The following MGAT4C variants were observed in gnomAD, a reference collection of about 807,000 sequenced individuals.
The protein encoded by MGAT4C is alpha-1,3-mannosyl-glycoprotein 4-beta-N-acetylglucosaminyltransferase C.
In MGAT4C, 19 loss-of-function variants were observed where a neutral mutation model predicts 40.1. The ratio of observed to expected loss-of-function variants is 0.47; its 90% CI spans 0.33 to 0.70. The LOEUF (loss-of-function observed/expected upper bound fraction) is 0.70, where lower values mean the gene tolerates loss of function less well. Ranked by LOEUF, MGAT4C falls within the 30% of genes least tolerant of loss-of-function variation. The pLI, the probability that MGAT4C is intolerant of heterozygous loss-of-function variation, is 0.02. For missense variants in MGAT4C, 491 were observed against 563.2 expected, an observed-to-expected ratio of 0.87 and a Z score of 1.30; for synonymous variants, 181 against 187.1, an observed-to-expected ratio of 0.97 and a Z score of 0.27.
chr12:86,143,317 C>T (rs536034413), intron 1 of MGAT4C, among the ~76,000 whole-genome samples: 1 of 152,180 alleles, frequency 6.6e-6, no homozygotes, highest in South Asian at 2.1e-4. Flanking sequence ...AAGCACACAC[C>T]TGCTTTCACA....
At chr12:86,209,150 ATT>A (rs1280234173) in intron 1 of MGAT4C, among the ~76,000 whole-genome samples, 2 of 152,094 alleles carry the variant, frequency 1.3e-5, no homozygotes, top group Non-Finnish European at 2.9e-5. Context: ...TTTGCATATA[ATT>A]TTTAGAAGAA....
chr12:86,404,076 G>A (rs774995228), intron 3 of MGAT4C, among the ~76,000 whole-genome samples: 1 of 152,094 alleles, frequency 6.6e-6, no homozygotes, highest in South Asian at 2.1e-4. Context: ...ATAGCTACTC[G>A]AGAGGCTGAC....
At chr12:86,237,535 C>T (rs934795857) in intron 1 of MGAT4C, among the ~76,000 whole-genome samples, 3 of 151,742 alleles carry the variant, frequency 2.0e-5, no homozygotes, top group Admixed American at 6.6e-5. Context: ...CTATTAAAAT[C>T]TTTTATTTAA....
intron 2 of MGAT4C, among the ~76,000 whole-genome samples, chr12:86,567,934 G>T (rs1565854749): frequency 6.6e-6 from 1 of 152,178 alleles, no homozygotes; most frequent in African/African-American, 2.4e-5. Context: ...TTAGGTTAAA[G>T]ATTAGTGTGC....
chr12:86,035,614 C>T (rs7296258), intron 2 of MGAT4C, among the ~76,000 whole-genome samples: 25,016 of 149,494 alleles, frequency 0.17, 4,270 homozygotes, highest in African/African-American at 0.39. Context: ...GCTTTTGTGG[C>T]CATTTCTTTT....
At chr12:86,054,159 C>G (rs1282642733) in intron 1 of MGAT4C, among the ~76,000 whole-genome samples, 3 of 152,024 alleles carry the variant, frequency 2.0e-5, no homozygotes, top group African/African-American at 7.2e-5. Flanking sequence ...TATTGCAGCA[C>G]TCTTCATAAT....
intron 2 of MGAT4C, among the ~76,000 whole-genome samples, chr12:86,548,985 G>T (rs1959228110): frequency 6.6e-6 from 1 of 152,138 alleles, no homozygotes; most frequent in South Asian, 2.1e-4. Flanking sequence ...TCTTTCATCT[G>T]TGAAGGCAAT....
At chr12:86,834,612 C>CCACACACACACACACACACACACA (rs148269576) in intron 1 of MGAT4C, among the ~76,000 whole-genome samples, 25 of 148,288 alleles carry the variant, frequency 1.7e-4, no homozygotes, top group South Asian at 4.3e-4. Flanking sequence ...CCCCCAACCA[C>CCACACACACACACACACACACACA]CACACACACA....
At chr12:86,557,067 TTAATTTTTAGGCAATTTTC>T (rs1959646720) in intron 2 of MGAT4C, among the ~76,000 whole-genome samples, 1 of 152,206 alleles carries the variant, frequency 6.6e-6, no homozygotes, top group South Asian at 2.1e-4. Context: ...AATATTTCCA[TTAATTTTTAGGCAATTTTC>T]TTCATTGTTT....
intron 2 of MGAT4C, among the ~76,000 whole-genome samples, chr12:86,494,409 T>G (rs537552318): frequency 3.3e-5 from 5 of 152,080 alleles, no homozygotes; most frequent in Non-Finnish European, 7.4e-5. Flanking sequence ...CAATTTTATT[T>G]TTTAGCCCCA....
At chr12:86,537,306 G>A (rs1490350206) in intron 2 of MGAT4C, among the ~76,000 whole-genome samples, 1 of 151,810 alleles carries the variant, frequency 6.6e-6, no homozygotes. Flanking sequence ...CACCAACATG[G>A]CACATGTATA....
At chr12:85,984,491 T>C (rs1450464955) in intron 3 of MGAT4C, among the ~76,000 whole-genome samples, 1 of 152,150 alleles carries the variant, frequency 6.6e-6, no homozygotes. Flanking sequence ...TTCAGGAAGG[T>C]TTATATTCAA....
chr12:86,470,875 T>C (rs1357259432), intron 2 of MGAT4C, among the ~76,000 whole-genome samples: 1 of 152,116 alleles, frequency 6.6e-6, no homozygotes. Context: ...ACTTCCTTTA[T>C]ATTATTCTTA....
intron 2 of MGAT4C, among the ~76,000 whole-genome samples, chr12:86,470,056 T>C (rs1957736808): frequency 6.6e-6 from 1 of 152,128 alleles, no homozygotes; most frequent in Non-Finnish European, 1.5e-5. Context: ...CCACATTTTA[T>C]TTATTTATTT....
intron 1 of MGAT4C, among the ~76,000 whole-genome samples, chr12:86,110,879 T>C (rs1054339868): frequency 2.0e-5 from 3 of 151,766 alleles, no homozygotes; most frequent in Non-Finnish European, 3.0e-5. Flanking sequence ...TATGCCGTTA[T>C]ATGTACTACT....
At chr12:86,647,309 A>C (rs1963568487) in intron 2 of MGAT4C, among the ~76,000 whole-genome samples, 1 of 151,988 alleles carries the variant, frequency 6.6e-6, no homozygotes, top group Non-Finnish European at 1.5e-5. Context: ...TATTGCATGT[A>C]TCATCAATTA....
chr12:86,186,771 T>C (rs916487850), intron 1 of MGAT4C, among the ~76,000 whole-genome samples: 2 of 152,106 alleles, frequency 1.3e-5, no homozygotes, highest in Non-Finnish European at 2.9e-5. Flanking sequence ...GAGTCTGCAA[T>C]AGGCCTTTCC....
intron 1 of MGAT4C, among the ~76,000 whole-genome samples, chr12:86,058,089 T>C (rs1006896310): frequency 6.6e-6 from 1 of 151,880 alleles, no homozygotes; most frequent in African/African-American, 2.4e-5. Context: ...GTACATTTAA[T>C]TAACACAGTG....
At chr12:86,111,594 G>C (rs762109118) in intron 1 of MGAT4C, among the ~76,000 whole-genome samples, 4 of 151,762 alleles carry the variant, frequency 2.6e-5, no homozygotes, top group Non-Finnish European at 4.4e-5. Context: ...CTGCACTGTA[G>C]ATATGTGCTT....
Sources: gnomAD v4.1 joint callset for allele counts (sites outside exome capture counted in the v4.1 genomes callset) on GRCh38, gnomAD v4.1.1 for gene constraint, MANE v1.5 for transcripts, NCBI Gene and HGNC (gene_info 2026-07-23, HGNC 2026-07-21) for gene names.